Variants in MYO1E observed in about 807,000 individuals in gnomAD.
MYO1E encodes myosin IE.
A neutral mutation model predicts 151.1 loss-of-function variants in MYO1E; 68 were observed. The observed-to-expected ratio is 0.45, with a 90% confidence interval of 0.37 to 0.55. The LOEUF is 0.55. Ranked by LOEUF, MYO1E falls within the 20% of genes least tolerant of loss-of-function variation. The pLI, the probability that MYO1E is intolerant of heterozygous loss-of-function variation, is 0.00. For synonymous variants in MYO1E, 601 were observed against 501.7 expected, an observed-to-expected ratio of 1.20 and a Z score of -2.64; for missense variants, 1,363 against 1,389.3, an observed-to-expected ratio of 0.98 and a Z score of 0.30.
intron 26 of MYO1E, among the ~76,000 whole-genome samples, chr15:59,150,179 C>T (rs2079467478): frequency 6.6e-6 from 1 of 152,208 alleles, no homozygotes; most frequent in South Asian, 2.1e-4. Flanking sequence ...ACACAGTGTG[C>T]CTACTAATTG....
chr15:59,369,626 ACTT>A (rs1414376029), intron 1 of MYO1E, among the ~76,000 whole-genome samples: 5 of 152,148 alleles, frequency 3.3e-5, no homozygotes, highest in Non-Finnish European at 7.4e-5. Flanking sequence ...GTTTTTTTTA[ACTT>A]CTTCAAGTCT....
At chr15:59,146,917 C>T (rs1027759232) in intron 26 of MYO1E, among the ~76,000 whole-genome samples, 2 of 152,068 alleles carry the variant, frequency 1.3e-5, no homozygotes, top group Non-Finnish European at 2.9e-5. Context: ...AAAGCTGACC[C>T]ACAGCAACTT....
At chr15:59,197,622 A>G (rs1176986828) in intron 16 of MYO1E, among the ~76,000 whole-genome samples, 1 of 152,232 alleles carries the variant, frequency 6.6e-6, no homozygotes, top group African/African-American at 2.4e-5. Context: ...AATTTGCATG[A>G]AAGAGAAGTA....
At chr15:59,345,183 A>T (rs1266919505) in intron 1 of MYO1E, among the ~76,000 whole-genome samples, 1 of 152,200 alleles carries the variant, frequency 6.6e-6, no homozygotes, top group Non-Finnish European at 1.5e-5. Flanking sequence ...TTCTAAAAGC[A>T]ATCAGATAAT....
At chr15:59,196,697 G>C (rs559064358) in intron 16 of MYO1E, among the ~76,000 whole-genome samples, 2 of 152,186 alleles carry the variant, frequency 1.3e-5, no homozygotes, top group African/African-American at 4.8e-5. Context: ...CTGTTTAGAT[G>C]TGCAGGAAAT....
chr15:59,215,783 G>C (rs1397847020), intron 10 of MYO1E, among the ~76,000 whole-genome samples: 1 of 152,116 alleles, frequency 6.6e-6, no homozygotes, highest in African/African-American at 2.4e-5. Flanking sequence ...AAAAAAAACT[G>C]ACAGGTGACA....
intron 1 of MYO1E, among the ~76,000 whole-genome samples, chr15:59,317,075 A>G (rs1183425593): frequency 6.6e-6 from 1 of 152,214 alleles, no homozygotes; most frequent in African/African-American, 2.4e-5. Context: ...ATGTTTGTAT[A>G]TGCCAAAAGG....
intron 5 of MYO1E, among the ~76,000 whole-genome samples, chr15:59,235,444 A>G (rs1404476847): frequency 2.0e-5 from 3 of 152,224 alleles, no homozygotes; most frequent in African/African-American, 7.2e-5. Context: ...AATGTTCTGA[A>G]CCTTGTCTTT....
chr15:59,157,680 C>T (rs2079516497), intron 25 of MYO1E, among the ~76,000 whole-genome samples: 1 of 149,012 alleles, frequency 6.7e-6, no homozygotes, highest in African/African-American at 2.6e-5. Flanking sequence ...CCATTAAGCG[C>T]TTCCTTTAAG....
intron 1 of MYO1E, among the ~76,000 whole-genome samples, chr15:59,344,356 A>C (rs369114037): frequency 1.3e-5 from 2 of 152,162 alleles, no homozygotes; most frequent in South Asian, 2.1e-4. Context: ...CTTTTCCTTT[A>C]CTTTTTCCCA....
At chr15:59,298,013 T>C (rs1446957892) in intron 1 of MYO1E, among the ~76,000 whole-genome samples, 1 of 152,224 alleles carries the variant, frequency 6.6e-6, no homozygotes, top group Non-Finnish European at 1.5e-5. Context: ...CAAATAATTT[T>C]GTGTCCTTCT....
intron 9 of MYO1E, among the ~76,000 whole-genome samples, chr15:59,222,262 T>C (rs1443401439): frequency 6.6e-6 from 1 of 152,204 alleles, no homozygotes. Context: ...AAATTTATCA[T>C]CCTTAAAGAA....
intron 1 of MYO1E, among the ~76,000 whole-genome samples, chr15:59,275,949 C>T (rs908569887): frequency 6.6e-6 from 1 of 152,186 alleles, no homozygotes; most frequent in Non-Finnish European, 1.5e-5. Context: ...CTGCACACAG[C>T]CGCTGAATGC....
chr15:59,199,113 T>G (rs2079785608), intron 16 of MYO1E, among the ~76,000 whole-genome samples: 1 of 152,206 alleles, frequency 6.6e-6, no homozygotes, highest in South Asian at 2.1e-4. Context: ...CTTTATTTTT[T>G]GAGATGGAGT....
rs887294775 is a variant in MYO1E at position 59,205,446 on chromosome 15, C to G, written c.1570G>C (p.Asp524His). 1 of 1,614,218 alleles carries G rather than the reference C, an allele frequency of 6.2e-7. No individual in the cohort carries two copies. Among genetic ancestry groups the G allele is most frequent in the Non-Finnish European group, 8.5e-7 (1 of 1,180,048 alleles). ...TCGATGAGATCCATAAAAAGCACAT[C>G]CCGGTTCCTTTCACAAAAGCCATCC... ...DMDGFCERNRDVLFMDLIELM... is the reference protein window; with the variant it reads ...DMDGFCERNRHVLFMDLIELM... Residue 524 changes from aspartate to histidine, a missense_variant, in exon 15 of 28, where the codon GAT becomes CAT. Transcript: ENST00000288235.
chr15:59,319,240 G>A (rs2080609161), intron 1 of MYO1E, among the ~76,000 whole-genome samples: 1 of 152,172 alleles, frequency 6.6e-6, no homozygotes, highest in African/African-American at 2.4e-5. Context: ...GAACCCAGAA[G>A]CCGGAGGTTG....
At chr15:59,144,950 T>C (rs2079432926) in intron 26 of MYO1E, among the ~76,000 whole-genome samples, 1 of 152,136 alleles carries the variant, frequency 6.6e-6, no homozygotes, top group Non-Finnish European at 1.5e-5. Context: ...TTCAAGCGAT[T>C]CTCCTGCCTC....
At chr15:59,222,895 G>A (rs2079964874) in intron 9 of MYO1E, among the ~76,000 whole-genome samples, 164 bp downstream of exon 9, 1 of 152,140 alleles carries the variant, frequency 6.6e-6, no homozygotes, top group African/African-American at 2.4e-5. Flanking sequence ...GCATAGAAGA[G>A]GTCTGGTCTC....
intron 2 of MYO1E, among the ~76,000 whole-genome samples, chr15:59,270,281 G>A (rs2080281441): frequency 6.6e-6 from 1 of 152,122 alleles, no homozygotes; most frequent in Non-Finnish European, 1.5e-5. Flanking sequence ...GCCAGGCGCA[G>A]TGGCTCATAC....
Sources: allele counts gnomAD v4.1 joint callset (sites outside exome capture counted in the v4.1 genomes callset), GRCh38; gene constraint gnomAD v4.1.1; transcripts MANE v1.5; gene names NCBI Gene and HGNC (gene_info 2026-07-23, HGNC 2026-07-21).